PDE8B: variants seen among roughly 807,000 people sequenced by gnomAD.
PDE8B encodes the protein phosphodiesterase 8B, also known as high affinity cAMP-specific and IBMX-insensitive 3',5'-cyclic phosphodiesterase 8B.
In PDE8B, 26 loss-of-function variants were observed where a neutral mutation model predicts 101.3. The observed-to-expected ratio is 0.26, with a 90% CI of 0.19 to 0.36. PDE8B has a LOEUF of 0.36. Ranked by LOEUF, PDE8B falls within the 10% of genes least tolerant of loss-of-function variation. PDE8B has a pLI of 1.00. For synonymous variants in PDE8B, 424 were observed against 429.3 expected, an observed-to-expected ratio of 0.99 and a Z score of 0.15; for missense variants, 810 against 1,163.1, an observed-to-expected ratio of 0.70 and a Z score of 4.42.
chr5:77,414,242 ATATT>A (rs1795087832), intron 17 of PDE8B, among the ~76,000 whole-genome samples: 1 of 152,196 alleles, frequency 6.6e-6, no homozygotes, highest in Admixed American at 6.5e-5. Context: ...CAGCATCCTG[ATATT>A]TATTCACTTT....
At chr5:77,354,454 G>C (rs1781723000) in intron 10 of PDE8B, among the ~76,000 whole-genome samples, 1 of 152,176 alleles carries the variant, frequency 6.6e-6, no homozygotes, top group African/African-American at 2.4e-5. Flanking sequence ...TCTGGTAAAG[G>C]AAAGAATGGC....
chr5:77,331,940 A>G (rs1490457381), intron 5 of PDE8B, among the ~76,000 whole-genome samples: 7 of 152,226 alleles, frequency 4.6e-5, no homozygotes, highest in African/African-American at 1.7e-4. Flanking sequence ...ATCAGCAAAG[A>G]AAAATTCTTT....
At chr5:77,274,332 G>T (rs1043736552) in intron 1 of PDE8B, among the ~76,000 whole-genome samples, 1 of 152,110 alleles carries the variant, frequency 6.6e-6, no homozygotes, top group East Asian at 1.9e-4. Context: ...GGTCATCTGC[G>T]GCAGGGCTGG....
chr5:77,272,985 C>A (rs1361435076), intron 1 of PDE8B, among the ~76,000 whole-genome samples: 3 of 152,140 alleles, frequency 2.0e-5, no homozygotes, highest in African/African-American at 7.2e-5. Flanking sequence ...ATTGCTACGA[C>A]GTCAGTTACA....
the PDE8B span, among the ~76,000 whole-genome samples, chr5:77,198,191 A>C: frequency 1.3e-5 from 2 of 152,088 alleles, no homozygotes; most frequent in Non-Finnish European, 2.9e-5. Flanking sequence ...GGGATTCTTT[A>C]ATATTTTTAT....
chr5:77,346,209 T>A (rs1218213553), intron 7 of PDE8B, among the ~76,000 whole-genome samples: 1 of 152,234 alleles, frequency 6.6e-6, no homozygotes, highest in Non-Finnish European at 1.5e-5. Context: ...GAAATGTATC[T>A]GAAGGCTTCC....
rs1184963324 is a variant in PDE8B at position 77,412,254 on chromosome 5, T to G, written c.1712+19T>G. The G allele has an allele frequency of 1.2e-6, 2 of 1,613,600 alleles. No homozygotes were observed. The highest frequency in any genetic ancestry group is 2.2e-5 in the East Asian group (1 of 44,874). ...ATAAAAGGTATGTGACTTCTCTGGC[T>G]GAAGGCAGAGCAGGATTGATGGCCA... On this transcript the variant is annotated intron_variant, in intron 16 of 21. Transcript: ENST00000264917.
the PDE8B span, among the ~76,000 whole-genome samples, chr5:77,177,723 G>C: frequency 6.6e-6 from 1 of 152,312 alleles, no homozygotes; most frequent in Non-Finnish European, 1.5e-5. Flanking sequence ...TGACAGCCAA[G>C]GTGTCTACTC....
chr5:77,312,196 T>G, intron 2 of PDE8B, 143 bp downstream of exon 2: 2 of 676,418 alleles, frequency 3.0e-6, no homozygotes, highest in Non-Finnish European at 2.6e-6. Flanking sequence ...CTCTGCCTCC[T>G]GGGTTCAAGC....
chr5:77,415,519 A>ATGCCT (rs1194854137), intron 17 of PDE8B, among the ~76,000 whole-genome samples: 2 of 151,926 alleles, frequency 1.3e-5, no homozygotes, highest in East Asian at 3.9e-4. Flanking sequence ...CACCAAGCCC[A>ATGCCT]GGCTAATTTT....
chr5:77,305,006 G>A (rs1033277940), intron 1 of PDE8B, among the ~76,000 whole-genome samples: 5 of 152,140 alleles, frequency 3.3e-5, no homozygotes, highest in South Asian at 2.1e-4. Context: ...GTGTTCCACC[G>A]GTGTTTGTTG....
At chr5:77,133,846 G>A in the PDE8B span, among the ~76,000 whole-genome samples, 1 of 152,140 alleles carries the variant, frequency 6.6e-6, no homozygotes, top group Admixed American at 6.6e-5. Flanking sequence ...AAGAATTCTG[G>A]GACTTGCTGA....
Position 77,238,814 on chromosome 5 carries a change from A to G in PDE8B, c.339+27550A>G, listed in dbSNP as rs373344387. 3.3e-5 allele frequency among the ~76,000 whole-genome samples: 5 copies of G among 152,204 alleles called. No individual in the cohort carries two copies. The East Asian group carries it at 7.7e-4, about 23-fold the overall frequency. On this transcript the variant is annotated intron_variant, in intron 1 of 21. Coordinates refer to ENST00000264917, the MANE Select transcript of PDE8B (RefSeq NM_003719.5). ...AAAGGCCAGAGAACCAGGAGCACTGATGGCCAAGGGCAAGAGAAGATGAAT... is the reference window on the plus strand; with the variant it reads ...AAAGGCCAGAGAACCAGGAGCACTGGTGGCCAAGGGCAAGAGAAGATGAAT...
At chr5:77,148,207 CA>C in the PDE8B span, 2 of 152,318 alleles carry the variant, frequency 1.3e-5, no homozygotes, top group Admixed American at 6.5e-5. Flanking sequence ...TTTGTAATCT[CA>C]AAAGTTCACC....
At chr5:77,389,254 G>C (rs1789389223) in intron 10 of PDE8B, among the ~76,000 whole-genome samples, 1 of 152,206 alleles carries the variant, frequency 6.6e-6, no homozygotes, top group Non-Finnish European at 1.5e-5. Context: ...TGGGAAGAGT[G>C]CTGTATCTGG....
At chr5:77,278,880 T>C (rs1166411230) in intron 1 of PDE8B, among the ~76,000 whole-genome samples, 1 of 152,228 alleles carries the variant, frequency 6.6e-6, no homozygotes, top group Non-Finnish European at 1.5e-5. Flanking sequence ...TAGTTTAAGT[T>C]GCTATTTCAA....
the PDE8B span, among the ~76,000 whole-genome samples, chr5:77,198,675 A>T: frequency 6.6e-6 from 1 of 152,122 alleles, no homozygotes; most frequent in Non-Finnish European, 1.5e-5. Context: ...GATAATAGTT[A>T]TTTCACACAT....
intron 10 of PDE8B, among the ~76,000 whole-genome samples, chr5:77,383,739 T>C (rs774032131): frequency 6.6e-6 from 1 of 152,230 alleles, no homozygotes; most frequent in African/African-American, 2.4e-5. Flanking sequence ...AAATAGGAAA[T>C]CTTCTCCCCA....
At chr5:77,358,650 A>G (rs1332471103) in intron 10 of PDE8B, among the ~76,000 whole-genome samples, 10 of 152,254 alleles carry the variant, frequency 6.6e-5, no homozygotes, top group Non-Finnish European at 4.4e-5. Flanking sequence ...GAGTTGATCT[A>G]TATGTAGCCA....
Sources: allele counts gnomAD v4.1 joint callset (sites outside exome capture counted in the v4.1 genomes callset), GRCh38; gene constraint gnomAD v4.1.1; transcripts MANE v1.5; gene names NCBI Gene and HGNC (gene_info 2026-07-23, HGNC 2026-07-21).